The following MKRN2OS variants were observed in gnomAD, a reference collection of about 807,000 sequenced individuals.
The protein encoded by MKRN2OS is MKRN2 opposite strand protein.
In MKRN2OS, 17 loss-of-function variants were observed where a neutral mutation model predicts 18.2. The observed-to-expected ratio is 0.93, with a 90% confidence interval of 0.64 to 1.40. The LOEUF (loss-of-function observed/expected upper bound fraction) is 1.40, where lower values mean the gene tolerates loss of function less well. Among genes scored for constraint, MKRN2OS ranks in the 40% most tolerant of loss-of-function variants. MKRN2OS has a pLI of 0.00. For synonymous variants in MKRN2OS, 121 were observed against 108.5 expected, an observed-to-expected ratio of 1.12 and a Z score of -0.72; for missense variants, 337 against 283.0, an observed-to-expected ratio of 1.19 and a Z score of -1.37.
intron 1 of MKRN2OS, among the ~76,000 whole-genome samples, chr3:12,555,029 G>A (rs1454674306): frequency 6.6e-6 from 1 of 152,208 alleles, no homozygotes; most frequent in African/African-American, 2.4e-5. Flanking sequence ...AGTGGCATGG[G>A]CTGGGCGCGG....
chr3:12,551,578 T>G (rs2125294384), downstream of MKRN2OS, among the ~76,000 whole-genome samples: 5 of 150,504 alleles, frequency 3.3e-5, no homozygotes, highest in South Asian at 1.1e-3. Flanking sequence ...AAAGGATAAA[T>G]AAAGAACAAA....
At chr3:12,546,816 G>T (rs1420620129), upstream of MKRN2OS, among the ~76,000 whole-genome samples, 1 of 152,122 alleles carries the variant, frequency 6.6e-6, no homozygotes, top group Non-Finnish European at 1.5e-5. Context: ...GACCTCAGGT[G>T]ATCCTGCTGC....
At chr3:12,559,189 A>G (rs1170792126) in intron 1 of MKRN2OS, among the ~76,000 whole-genome samples, 1 of 152,216 alleles carries the variant, frequency 6.6e-6, no homozygotes, top group African/African-American at 2.4e-5. Context: ...CTTGCCAAAT[A>G]AAAAACATAA....
In MKRN2OS at chr3:12,541,742, G is replaced by C. The variant is rs1165664374; in HGVS notation, c.431+118C>G. 4 of 1,080,128 alleles carry C rather than the reference G, an allele frequency of 3.7e-6. No individual in the cohort carries two copies. The African/African-American group carries it at 6.3e-5, about 17-fold the overall frequency. 66.9% of individuals were successfully genotyped at this position (1,080,128 alleles called of 1,614,324 possible). A position where few individuals can be genotyped will look rare whatever the true frequency, so the allele number is the denominator to read the frequency against. ...TTCTGTTAGAGATGCTAATATGTCT[G>C]TATCGGCTCAACATGAAGCTAAGTG... On this transcript the variant is annotated intron_variant, in intron 3 of 3. Transcript: ENST00000564146.
At chr3:12,555,871 T>TCC (rs772339888) in intron 1 of MKRN2OS, among the ~76,000 whole-genome samples, 20 of 152,264 alleles carry the variant, frequency 1.3e-4, no homozygotes, top group Non-Finnish European at 1.2e-4. Flanking sequence ...GCACCTGTAT[T>TCC]CCCAGCTGCT....
At chr3:12,549,593 G>A (rs552102700), upstream of MKRN2OS, among the ~76,000 whole-genome samples, 14 of 152,232 alleles carry the variant, frequency 9.2e-5, no homozygotes, top group South Asian at 2.3e-3. Flanking sequence ...TGTCACCCAC[G>A]TTGGAGTGCA....
At chr3:12,545,042 T>C (rs766688535) in intron 1 of MKRN2OS, among the ~76,000 whole-genome samples, 5 of 152,230 alleles carry the variant, frequency 3.3e-5, no homozygotes, top group African/African-American at 4.8e-5. Flanking sequence ...CCACATATAT[T>C]CTTGCACTTG....
At chr3:12,550,986 T>C (rs1399318554), downstream of MKRN2OS, among the ~76,000 whole-genome samples, 4 of 152,170 alleles carry the variant, frequency 2.6e-5, no homozygotes, top group Non-Finnish European at 4.4e-5. Context: ...CTTTACAGTA[T>C]CAGTAATACA....
intron 3 of MKRN2OS, 33 bp downstream of exon 3, chr3:12,541,827 G>T: frequency 6.5e-7 from 1 of 1,527,118 alleles, no homozygotes; most frequent in Non-Finnish European, 8.8e-7. Context: ...GCATGTGAGT[G>T]TCAGCGAGGG....
chr3:12,558,436 A>G (rs571792039), intron 1 of MKRN2OS, among the ~76,000 whole-genome samples: 1 of 152,318 alleles, frequency 6.6e-6, no homozygotes, highest in East Asian at 1.9e-4. Flanking sequence ...AGCAGCTTGT[A>G]GCCTCCTAGA....
intron 1 of MKRN2OS, among the ~76,000 whole-genome samples, chr3:12,558,024 T>A (rs1231048008): frequency 2.0e-5 from 3 of 152,244 alleles, no homozygotes; most frequent in Non-Finnish European, 4.4e-5. Flanking sequence ...GAATTGTATG[T>A]TTGGAAAACG....
At chr3:12,558,880 G>T (rs966366827) in intron 1 of MKRN2OS, among the ~76,000 whole-genome samples, 1 of 152,176 alleles carries the variant, frequency 6.6e-6, no homozygotes, top group Non-Finnish European at 1.5e-5. Context: ...GTACTGTAGT[G>T]TATAATCCAG....
upstream of MKRN2OS, among the ~76,000 whole-genome samples, chr3:12,546,693 T>C (rs1260915528): frequency 6.7e-6 from 1 of 149,496 alleles, no homozygotes; most frequent in Non-Finnish European, 1.5e-5. Flanking sequence ...TAATTCTGCC[T>C]CAGCCTCCTG....
upstream of MKRN2OS, among the ~76,000 whole-genome samples, chr3:12,549,081 C>G (rs2057909307): frequency 6.6e-6 from 1 of 151,736 alleles, no homozygotes; most frequent in Admixed American, 6.6e-5. Flanking sequence ...ACTACAGGCA[C>G]CCACCATCAC....
At chr3:12,555,839 G>A (rs2125296155) in intron 1 of MKRN2OS, among the ~76,000 whole-genome samples, 1 of 152,304 alleles carries the variant, frequency 6.6e-6, no homozygotes, top group African/African-American at 2.4e-5. Flanking sequence ...GCATTTTGAA[G>A]TTTAGTCGAG....
rs2057820102 is a variant in MKRN2OS at position 12,541,925 on chromosome 3, T to A, written c.366A>T (p.Gly122=). ...GGTACTTGTCCCATTGCTCCATCAT[T>A]CCATACATGTTGGGCTGCAGTAATG... The part of the protein sequence containing the change: ...SIPLLQPNMY[G]MMEQWDKYLE... Residue 122 remains glycine (G), a synonymous_variant, in exon 3 of 4, where the codon GGA becomes GGT. Coordinates refer to ENST00000564146, the MANE Select transcript of MKRN2OS (RefSeq NM_001195279.2). The A allele has an allele frequency of 6.5e-7, 1 of 1,535,920 alleles. No individual in the cohort carries two copies. The highest frequency in any genetic ancestry group is 2.0e-5 in the Admixed American group (1 of 50,968).
At chr3:12,551,230 C>G (rs183071423), downstream of MKRN2OS, among the ~76,000 whole-genome samples, 1 of 151,412 alleles carries the variant, frequency 6.6e-6, no homozygotes, top group Non-Finnish European at 1.5e-5. Context: ...CAATGGCTCA[C>G]GCCTGTAATC....
At chr3:12,541,482 G>C (rs1378638302) in intron 3 of MKRN2OS, among the ~76,000 whole-genome samples, 1 of 152,112 alleles carries the variant, frequency 6.6e-6, no homozygotes, top group Non-Finnish European at 1.5e-5. Context: ...GTCTCCCAAA[G>C]TGCTGGGATT....
At chr3:12,550,849 G>T (rs1433365662), downstream of MKRN2OS, among the ~76,000 whole-genome samples, 1 of 151,988 alleles carries the variant, frequency 6.6e-6, no homozygotes, top group Non-Finnish European at 1.5e-5. Context: ...GGGTAACTCA[G>T]ATAACTTCCT....
Sources: allele counts gnomAD v4.1 joint callset (sites outside exome capture counted in the v4.1 genomes callset), GRCh38; gene constraint gnomAD v4.1.1; transcripts MANE v1.5; gene names NCBI Gene and HGNC (gene_info 2026-07-23, HGNC 2026-07-21).